ACTR6: variants seen among roughly 807,000 people sequenced by gnomAD.
The protein encoded by ACTR6 is actin related protein 6, also known as actin-related protein 6.
Under a neutral mutation model 52.5 loss-of-function variants are expected in ACTR6, and 50 were observed. The ratio of observed to expected loss-of-function variants is 0.95; its 90% CI spans 0.76 to 1.20. The LOEUF is 1.20. Ranked by LOEUF, ACTR6 falls within the 50% of genes most tolerant of loss-of-function variation. The probability of loss-of-function intolerance (pLI) is 0.00; values close to 1 mark genes in which losing one functional copy is unlikely to be tolerated. For synonymous variants in ACTR6, 135 were observed against 147.2 expected, an observed-to-expected ratio of 0.92 and a Z score of 0.60; for missense variants, 344 against 472.4, an observed-to-expected ratio of 0.73 and a Z score of 2.52.
At chr12:100,203,103 A>G (rs141666261) in intron 1 of ACTR6, among the ~76,000 whole-genome samples, 393 of 152,238 alleles carry the variant, frequency 2.6e-3, no homozygotes, top group African/African-American at 9.0e-3. Context: ...ATCTAATGCT[A>G]TGGCTGATCT....
At chr12:100,216,082 T>C (rs2096123676) in intron 8 of ACTR6, among the ~76,000 whole-genome samples, 1 of 152,218 alleles carries the variant, frequency 6.6e-6, no homozygotes, top group Admixed American at 6.5e-5. Flanking sequence ...GAGAAAATCG[T>C]CCTCATCATG....
At chr12:100,205,238 C>A in intron 2 of ACTR6, 181 bp downstream of exon 2, 1 of 479,808 alleles carries the variant, frequency 2.1e-6, no homozygotes, top group Non-Finnish European at 3.6e-6. Flanking sequence ...ATTGTGAGTA[C>A]TGATTTTTAC....
Position 100,212,264 on chromosome 12 carries a change from A to G in ACTR6, c.581A>G (p.His194Arg), listed in dbSNP as rs1240769719. 1 of 1,593,466 alleles carries G rather than the reference A, an allele frequency of 6.3e-7. No homozygotes were observed. The highest frequency in any genetic ancestry group is 8.5e-7 in the Non-Finnish European group (1 of 1,171,688). Residue 194 changes from histidine to arginine, a missense_variant, in exon 7 of 11, where the codon CAT becomes CGT. His to Arg is a conservative substitution (Grantham distance 29). Coordinates refer to ENST00000188312, the MANE Select transcript of ACTR6 (RefSeq NM_022496.5). ...ACTTTTATTTCTGTTAGGCAGCTACATGTTATGGATGAAACACATGTGATT... is the reference window on the plus strand; with the variant it reads ...ACTTTTATTTCTGTTAGGCAGCTACGTGTTATGGATGAAACACATGTGATT... Reference protein sequence around the residue: ...LKEIISYRQLHVMDETHVINQ... With the variant: ...LKEIISYRQLRVMDETHVINQ...
At chr12:100,203,385 C>A (rs905015248) in intron 1 of ACTR6, among the ~76,000 whole-genome samples, 11 of 151,680 alleles carry the variant, frequency 7.3e-5, no homozygotes, top group African/African-American at 2.2e-4. Context: ...CTCACTGCAA[C>A]CTCCGCCTCC....
intron 8 of ACTR6, 37 bp downstream of exon 8, chr12:100,212,565 GCTC>G: frequency 1.3e-6 from 2 of 1,509,648 alleles, no homozygotes; most frequent in Non-Finnish European, 1.8e-6. Context: ...GGTTGCTGCG[GCTC>G]CTGTCTATAA....
intron 1 of ACTR6, chr12:100,204,325 C>T (rs529335845): frequency 6.6e-6 from 1 of 152,344 alleles, no homozygotes; most frequent in South Asian, 2.1e-4. Context: ...TGCTCATCAC[C>T]ATGCCTGCCT....
At chr12:100,223,678 G>A in intron 10 of ACTR6, 108 bp from the exon 11 acceptor site, 1 of 1,374,574 alleles carries the variant, frequency 7.3e-7, no homozygotes, top group South Asian at 1.3e-5. Flanking sequence ...CATTTTAATG[G>A]CAAAAAAAAC....
chr12:100,213,204 T>A (rs1342434989), intron 8 of ACTR6, among the ~76,000 whole-genome samples: 2 of 152,060 alleles, frequency 1.3e-5, no homozygotes, highest in African/African-American at 4.8e-5. Context: ...GTGATCTTCC[T>A]GTCTCAGCCT....
chr12:100,201,621 T>TA (rs2096109746), intron 1 of ACTR6, among the ~76,000 whole-genome samples: 1 of 152,214 alleles, frequency 6.6e-6, no homozygotes, highest in African/African-American at 2.4e-5. Context: ...TGTAAATTGT[T>TA]ACAATCTTTC....
At chr12:100,219,971 C>T (rs1592848714) in intron 9 of ACTR6, 37 bp from the exon 10 acceptor site, 1 of 1,604,558 alleles carries the variant, frequency 6.2e-7, no homozygotes, top group Middle Eastern at 1.7e-4. Context: ...TTTTCTAATG[C>T]CTTTTTTCCT....
intron 9 of ACTR6, among the ~76,000 whole-genome samples, chr12:100,219,187 A>G (rs926250169): frequency 6.6e-6 from 1 of 151,254 alleles, no homozygotes; most frequent in South Asian, 2.1e-4. Flanking sequence ...AAAGAAAAAC[A>G]TAATGCTGTC....
intron 10 of ACTR6, among the ~76,000 whole-genome samples, chr12:100,222,855 T>C (rs1210265379): frequency 5.3e-5 from 8 of 152,228 alleles, no homozygotes; most frequent in Non-Finnish European, 1.2e-4. Flanking sequence ...CTGCTCTAAT[T>C]TTACCTATTG....
chr12:100,216,314 C>G (rs1592845178), intron 8 of ACTR6, among the ~76,000 whole-genome samples: 1 of 152,306 alleles, frequency 6.6e-6, no homozygotes, highest in Middle Eastern at 3.4e-3. Context: ...CACCACCAAG[C>G]CTGACTAAGT....
At chr12:100,207,930 G>T (rs1337205107) in intron 4 of ACTR6, 144 bp downstream of exon 4, 2 of 796,132 alleles carry the variant, frequency 2.5e-6, no homozygotes, top group Admixed American at 2.1e-5. Flanking sequence ...GGAGGCTGAG[G>T]CGAGTAGATC....
At chr12:100,205,935 A>G (rs1348729938) in intron 3 of ACTR6, among the ~76,000 whole-genome samples, 191 bp downstream of exon 3, 7 of 152,232 alleles carry the variant, frequency 4.6e-5, no homozygotes, top group Non-Finnish European at 1.0e-4. Flanking sequence ...TATGAAACTC[A>G]AAATTTTACT....
intron 8 of ACTR6, among the ~76,000 whole-genome samples, chr12:100,217,182 A>G (rs144613841): frequency 6.6e-6 from 1 of 152,314 alleles, no homozygotes; most frequent in Non-Finnish European, 1.5e-5. Context: ...TTAATGAATG[A>G]CATGTTGCTG....
At chr12:100,207,386 T>G (rs1271819737) in intron 3 of ACTR6, among the ~76,000 whole-genome samples, 1 of 152,142 alleles carries the variant, frequency 6.6e-6, no homozygotes, top group African/African-American at 2.4e-5. Context: ...ATTTTATTAA[T>G]GCTACCTCTA....
chr12:100,202,772 G>GC (rs1566289618), intron 1 of ACTR6, among the ~76,000 whole-genome samples: 1 of 152,040 alleles, frequency 6.6e-6, no homozygotes, highest in Non-Finnish European at 1.5e-5. Context: ...CGGGAGAATG[G>GC]CGTGGGCCTG....
At chr12:100,205,162 C>A in intron 2 of ACTR6, 105 bp downstream of exon 2, 1 of 627,926 alleles carries the variant, frequency 1.6e-6, no homozygotes, top group African/African-American at 1.9e-5. Context: ...TTAACTACAA[C>A]CTAATTAAAC....
Sources: gnomAD v4.1 joint callset for allele counts (sites outside exome capture counted in the v4.1 genomes callset) on GRCh38, gnomAD v4.1.1 for gene constraint, MANE v1.5 for transcripts, NCBI Gene and HGNC (gene_info 2026-07-23, HGNC 2026-07-21) for gene names.